CDK5RAP2: variants seen among roughly 807,000 people sequenced by gnomAD.
The protein encoded by CDK5RAP2 is CDK5 regulatory subunit-associated protein 2.
Under a neutral mutation model 232.9 loss-of-function variants are expected in CDK5RAP2, and 147 were observed. That is an observed-to-expected ratio of 0.63 (90% CI 0.55 to 0.72). The LOEUF is 0.72. Ranked by LOEUF, CDK5RAP2 falls within the 30% of genes least tolerant of loss-of-function variation. The probability of loss-of-function intolerance (pLI) is 0.00; values close to 1 mark genes in which losing one functional copy is unlikely to be tolerated. For missense variants in CDK5RAP2, 2,195 were observed against 2,231.5 expected, an observed-to-expected ratio of 0.98 and a Z score of 0.33; for synonymous variants, 833 against 833.7, an observed-to-expected ratio of 1.00 and a Z score of 0.01.
In CDK5RAP2 at chr9:120,568,058, C is replaced by A. The variant is rs10984957; in HGVS notation, c.195+263G>T. On this transcript the variant is annotated intron_variant, in intron 3 of 37. Coordinates refer to ENST00000349780, the MANE Select transcript of CDK5RAP2 (RefSeq NM_018249.6). ...TTTAGGACACCAGAAAGACACCAAA[C>A]CTGAAAACCAAAGTTGAAAACCAAA... is the stretch of plus-strand genomic sequence containing the variant. Among the ~76,000 whole-genome samples the A allele has an allele frequency of 0.088, 13,432 of 152,172 alleles. 783 individuals are homozygous for A. The highest frequency in any genetic ancestry group is 0.29 in the East Asian group (1,512 of 5,182).
At chr9:120,477,240 G>A in intron 15 of CDK5RAP2, 110 bp downstream of exon 15, 1 of 870,166 alleles carries the variant, frequency 1.1e-6, no homozygotes, top group Non-Finnish European at 1.9e-6. Flanking sequence ...AAACTGGCAG[G>A]GCTTTGCTGC....
At chr9:120,446,278 G>A (rs1422019842) in intron 22 of CDK5RAP2, among the ~76,000 whole-genome samples, 1 of 151,844 alleles carries the variant, frequency 6.6e-6, no homozygotes, top group East Asian at 1.9e-4. Context: ...TTTTGAGATG[G>A]AGTTTCGCTC....
intron 11 of CDK5RAP2, among the ~76,000 whole-genome samples, chr9:120,522,616 C>T (rs2040721396): frequency 6.6e-6 from 1 of 152,162 alleles, no homozygotes; most frequent in Admixed American, 6.5e-5. Context: ...GGGAGGATGC[C>T]ATTTCCAATT....
chr9:120,563,472 C>T (rs1013828456), intron 3 of CDK5RAP2, among the ~76,000 whole-genome samples: 46 of 152,292 alleles, frequency 3.0e-4, no homozygotes, highest in African/African-American at 9.1e-4. Context: ...TTGTAGTCAA[C>T]GGAATCTTTG....
intron 35 of CDK5RAP2, 124 bp from the exon 36 acceptor site, chr9:120,394,762 C>A: frequency 1.2e-6 from 1 of 855,686 alleles, no homozygotes; most frequent in Non-Finnish European, 1.8e-6. Flanking sequence ...TGAATGGAAA[C>A]TAGAAGCCTT....
At chr9:120,548,302 G>C (rs1219885058) in intron 4 of CDK5RAP2, among the ~76,000 whole-genome samples, 1 of 152,102 alleles carries the variant, frequency 6.6e-6, no homozygotes, top group Non-Finnish European at 1.5e-5. Context: ...TTCTATTTAT[G>C]AACTGATATA....
intron 12 of CDK5RAP2, among the ~76,000 whole-genome samples, chr9:120,504,280 T>G (rs1385036750): frequency 6.6e-6 from 1 of 151,686 alleles, no homozygotes; most frequent in African/African-American, 2.4e-5. Context: ...AATGAGGGAG[T>G]TGGCCTGCCC....
intron 22 of CDK5RAP2, 141 bp from the exon 23 acceptor site, chr9:120,443,883 T>A: frequency 9.5e-7 from 1 of 1,057,998 alleles, no homozygotes. Flanking sequence ...AAGATAAAAT[T>A]AATCTATCGA....
chr9:120,565,241 C>A (rs2042606974), intron 3 of CDK5RAP2, among the ~76,000 whole-genome samples: 1 of 152,192 alleles, frequency 6.6e-6, no homozygotes, highest in Non-Finnish European at 1.5e-5. Context: ...AGAGATGATT[C>A]TTAGAGCTCC....
At chr9:120,407,859 G>A in intron 31 of CDK5RAP2, 1 of 251,522 alleles carries the variant, frequency 4.0e-6, no homozygotes, top group South Asian at 5.1e-5. Context: ...CCCAGCACGT[G>A]AGAGGTGTCC....
intron 18 of CDK5RAP2, among the ~76,000 whole-genome samples, chr9:120,461,787 G>A (rs1405743470): frequency 1.3e-5 from 2 of 152,194 alleles, no homozygotes; most frequent in Non-Finnish European, 2.9e-5. Context: ...AGGCTGCAGT[G>A]AGCCGTGATC....
In CDK5RAP2 at chr9:120,471,741, T is replaced by A. The variant is rs1253368038; in HGVS notation, c.1858+7A>T. The A allele has an allele frequency of 2.5e-5, 40 of 1,613,916 alleles. No individual in the cohort carries two copies. Among genetic ancestry groups the A allele is most frequent in the Non-Finnish European group, 3.4e-5 (40 of 1,179,922 alleles). On this transcript the variant is annotated splice_region_variant and intron_variant, in intron 16 of 37. Coordinates refer to ENST00000349780, the MANE Select transcript of CDK5RAP2 (RefSeq NM_018249.6). Reference sequence around the variant, plus strand: ...CCAAAGAGAAGCACATAGAATAAAGTGTGTACCTTCCCGCCTCCGAATTTC... The same window carrying A: ...CCAAAGAGAAGCACATAGAATAAAGAGTGTACCTTCCCGCCTCCGAATTTC...
chr9:120,456,736 G>A (rs2036798245), intron 20 of CDK5RAP2, among the ~76,000 whole-genome samples: 1 of 152,172 alleles, frequency 6.6e-6, no homozygotes, highest in Admixed American at 6.5e-5. Context: ...AATGACAATT[G>A]TTATTTGGCT....
In CDK5RAP2 at chr9:120,400,829, C is replaced by T. The variant is rs991061168; in HGVS notation, c.5364G>A (p.Leu1788=). 1.1e-5 allele frequency: 17 copies of T among 1,614,060 alleles called. No individual in the cohort carries two copies. Among genetic ancestry groups the T allele is most frequent in the Non-Finnish European group, 1.4e-5 (17 of 1,180,040 alleles). The change falls in exon 35 of 38, where the codon CTG becomes CTA. Residue 1788 remains leucine, a synonymous_variant. Transcript: ENST00000349780. ...KFVSSVSTAK[L]TLEEAYRRLK... ...GCCGCCTGTAGGCCTCTTCCAGGGT[C>T]AGCTTGGCCGTGCTCACACTGCTCA...
intron 27 of CDK5RAP2, among the ~76,000 whole-genome samples, chr9:120,416,616 T>C (rs1421542492): frequency 1.3e-5 from 2 of 152,314 alleles, no homozygotes; most frequent in East Asian, 1.9e-4. Context: ...TTTTCCAAAA[T>C]GAGCATGTAT....
At chr9:120,531,099 G>C (rs1036355944) in intron 7 of CDK5RAP2, among the ~76,000 whole-genome samples, 6 of 151,940 alleles carry the variant, frequency 3.9e-5, no homozygotes, top group Non-Finnish European at 7.4e-5. Flanking sequence ...CAGATCAGAG[G>C]GCCCTGCCGA....
At chr9:120,559,676 C>T (rs977471499) in intron 3 of CDK5RAP2, among the ~76,000 whole-genome samples, 4 of 151,304 alleles carry the variant, frequency 2.6e-5, no homozygotes, top group African/African-American at 9.7e-5. Flanking sequence ...ACTTGGAAAC[C>T]TAATGCTCAA....
At chr9:120,526,853 T>C (rs1457299632) in intron 10 of CDK5RAP2, among the ~76,000 whole-genome samples, 1 of 152,196 alleles carries the variant, frequency 6.6e-6, no homozygotes, top group African/African-American at 2.4e-5. Context: ...CTAAACACCT[T>C]GACCAATGTT....
chr9:120,460,340 C>A (rs1202727932), intron 19 of CDK5RAP2, among the ~76,000 whole-genome samples: 2 of 152,132 alleles, frequency 1.3e-5, no homozygotes, highest in Admixed American at 1.3e-4. Flanking sequence ...TATAACAAGC[C>A]CATTTTTATT....
Sources: gnomAD v4.1 joint callset for allele counts (sites outside exome capture counted in the v4.1 genomes callset) on GRCh38, gnomAD v4.1.1 for gene constraint, MANE v1.5 for transcripts, NCBI Gene and HGNC (gene_info 2026-07-23, HGNC 2026-07-21) for gene names.